SNCAIP: variants seen among roughly 807,000 people sequenced by gnomAD.
The protein encoded by SNCAIP is synuclein alpha interacting protein, also known as synphilin-1.
In SNCAIP, 43 loss-of-function variants were observed where a neutral mutation model predicts 86.7. The ratio of observed to expected loss-of-function variants is 0.50; its 90% CI spans 0.39 to 0.64. SNCAIP has a LOEUF of 0.64. Ranked by LOEUF, SNCAIP falls within the 30% of genes least tolerant of loss-of-function variation. The probability of loss-of-function intolerance (pLI) is 0.00; values close to 1 mark genes in which losing one functional copy is unlikely to be tolerated. For synonymous variants in SNCAIP, 417 were observed against 427.2 expected, an observed-to-expected ratio of 0.98 and a Z score of 0.29; for missense variants, 981 against 1,103.1, an observed-to-expected ratio of 0.89 and a Z score of 1.57.
At chr5:122,332,070 G>A (rs1561525302) in intron 1 of SNCAIP, among the ~76,000 whole-genome samples, 1 of 152,204 alleles carries the variant, frequency 6.6e-6, no homozygotes, top group East Asian at 1.9e-4. Flanking sequence ...TGTGATACTT[G>A]TTGACTGAAA....
At chr5:122,373,381 T>C (rs887271680) in intron 1 of SNCAIP, among the ~76,000 whole-genome samples, 25 of 152,268 alleles carry the variant, frequency 1.6e-4, no homozygotes, top group Non-Finnish European at 2.2e-4. Context: ...TATCAGTTGA[T>C]GATTTTATCA....
At chr5:122,316,148 A>G (rs2152648851) in intron 1 of SNCAIP, among the ~76,000 whole-genome samples, 1 of 152,360 alleles carries the variant, frequency 6.6e-6, no homozygotes, top group Non-Finnish European at 1.5e-5. Flanking sequence ...TTTAAATCAC[A>G]GTGCACTATT....
intron 10 of SNCAIP, among the ~76,000 whole-genome samples, chr5:122,463,062 A>G (rs1786823010): frequency 6.6e-6 from 1 of 152,228 alleles, no homozygotes; most frequent in African/African-American, 2.4e-5. Context: ...ACCAAAAAGC[A>G]TTCTTCTTTA....
At chr5:122,370,409 A>G (rs917551179) in intron 1 of SNCAIP, among the ~76,000 whole-genome samples, 3 of 151,988 alleles carry the variant, frequency 2.0e-5, no homozygotes, top group African/African-American at 7.2e-5. Flanking sequence ...ACAATGTAAC[A>G]TATATGACAT....
At chr5:122,362,604 A>G (rs914884085) in intron 1 of SNCAIP, among the ~76,000 whole-genome samples, 2 of 152,206 alleles carry the variant, frequency 1.3e-5, no homozygotes, top group African/African-American at 2.4e-5. Context: ...GAGAACTCAT[A>G]GGAATGCTAG....
At chr5:122,338,615 C>A (rs1167410254) in intron 1 of SNCAIP, among the ~76,000 whole-genome samples, 1 of 151,954 alleles carries the variant, frequency 6.6e-6, no homozygotes, top group African/African-American at 2.4e-5. Flanking sequence ...TGAATGAAAT[C>A]CAAATTAAGG....
rs528225514 is a variant in SNCAIP at position 122,359,209 on chromosome 5, A to G, written c.-46-31880A>G. ...ATAAATCACTTAAGCCCAGAATAAT[A>G]TACTAAATCATGTTCTGAAGTGTAG... On this transcript the variant is annotated intron_variant, in intron 1 of 10. Transcript: ENST00000261368. 1.5e-4 allele frequency among the ~76,000 whole-genome samples: 23 copies of G among 152,230 alleles called. No individual in the cohort carries two copies. In the South Asian group the frequency reaches 4.8e-3, roughly 32 times the overall value.
At chr5:122,312,877 C>G (rs1287408934) in intron 1 of SNCAIP, 1 of 152,238 alleles carries the variant, frequency 6.6e-6, no homozygotes, top group African/African-American at 2.4e-5. Context: ...GGGAATGTTT[C>G]TCTCTTGGCC....
intron 1 of SNCAIP, among the ~76,000 whole-genome samples, chr5:122,370,418 ATGTATTG>A (rs1321461044): frequency 1.3e-5 from 2 of 152,038 alleles, no homozygotes; most frequent in Admixed American, 6.6e-5. Context: ...CATATATGAC[ATGTATTG>A]TACTTTAGTG....
chr5:122,452,307 G>A (rs1045594817), intron 10 of SNCAIP, among the ~76,000 whole-genome samples: 1 of 152,096 alleles, frequency 6.6e-6, no homozygotes, highest in Non-Finnish European at 1.5e-5. Context: ...ATCTTTTTAG[G>A]CAATGTTTCC....
chr5:122,424,977 A>G (rs760438258), intron 4 of SNCAIP, among the ~76,000 whole-genome samples: 2 of 152,240 alleles, frequency 1.3e-5, no homozygotes, highest in Non-Finnish European at 2.9e-5. Flanking sequence ...CATTCATTCA[A>G]CAAACATAGA....
chr5:122,441,117 C>T (rs1036785471), intron 7 of SNCAIP: 5 of 238,718 alleles, frequency 2.1e-5, no homozygotes, highest in Non-Finnish European at 4.2e-5. Flanking sequence ...GGCTGCTCTT[C>T]CCCTAACTAG....
At chr5:122,313,158 GTGT>G (rs1256177596) in intron 1 of SNCAIP, among the ~76,000 whole-genome samples, 1 of 152,234 alleles carries the variant, frequency 6.6e-6, no homozygotes, top group Non-Finnish European at 1.5e-5. Context: ...GGGGGGAAAC[GTGT>G]TGTTTTTTCC....
At chr5:122,456,563 C>T (rs1784812491) in intron 10 of SNCAIP, among the ~76,000 whole-genome samples, 1 of 152,130 alleles carries the variant, frequency 6.6e-6, no homozygotes, top group South Asian at 2.1e-4. Context: ...AAACCTGCTC[C>T]CAACCAGAGC....
chr5:122,387,726 T>C (rs958155541), intron 1 of SNCAIP, among the ~76,000 whole-genome samples: 1 of 152,314 alleles, frequency 6.6e-6, no homozygotes, highest in South Asian at 2.1e-4. Flanking sequence ...CCCCCAGTTG[T>C]AAAGTGAAGG....
At chr5:122,432,791 G>A (rs1402892902) in intron 6 of SNCAIP, among the ~76,000 whole-genome samples, 1 of 152,028 alleles carries the variant, frequency 6.6e-6, no homozygotes, top group African/African-American at 2.4e-5. Flanking sequence ...TCCCTTTGGA[G>A]AATGTGACTG....
chr5:122,339,665 G>C (rs998432089), intron 1 of SNCAIP, among the ~76,000 whole-genome samples: 1 of 99,602 alleles, frequency 1.0e-5, no homozygotes, highest in Non-Finnish European at 2.2e-5. Flanking sequence ...CTGATCATTT[G>C]TCTGTCTGAT....
intron 1 of SNCAIP, among the ~76,000 whole-genome samples, chr5:122,341,977 T>G (rs1459533224): frequency 6.6e-6 from 1 of 152,156 alleles, no homozygotes; most frequent in Admixed American, 6.5e-5. Flanking sequence ...TGCAGCAAAT[T>G]TATATAAAAT....
rs1776709928 is a variant in SNCAIP at position 122,423,055 on chromosome 5, G to C, written c.318G>C (p.Gln106His). The C allele has an allele frequency of 6.2e-7, 1 of 1,614,112 alleles. No homozygotes were observed. The highest frequency in any genetic ancestry group is 8.5e-7 in the Non-Finnish European group (1 of 1,180,008). ...AGAACCAGAAAGTGGTTGAGTACCA[G>C]AAAGGGGGTGAGTCTGACCTGGGCC... ...DQKNQKVVEY[Q>H]KGGESDLGPQ... The change falls in exon 4 of 11, where the codon CAG becomes CAC. Residue 106 changes from glutamine to histidine, a missense_variant. Physicochemically the swap from Gln to His is conservative, Grantham distance 24 (BLOSUM62 0). Coordinates refer to ENST00000261368, the MANE Select transcript of SNCAIP (RefSeq NM_005460.4).
Sources: allele counts gnomAD v4.1 joint callset (sites outside exome capture counted in the v4.1 genomes callset), GRCh38; gene constraint gnomAD v4.1.1; transcripts MANE v1.5; gene names NCBI Gene and HGNC (gene_info 2026-07-23, HGNC 2026-07-21).